AQR: variants seen among roughly 807,000 people sequenced by gnomAD.
The protein encoded by AQR is aquarius intron-binding spliceosomal factor.
In AQR, 61 loss-of-function variants were observed where a neutral mutation model predicts 180.5. The ratio of observed to expected loss-of-function variants is 0.34; its 90% confidence interval spans 0.28 to 0.42. The LOEUF is 0.42. Ranked by LOEUF, AQR falls within the 10% of genes least tolerant of loss-of-function variation. The pLI, the probability that AQR is intolerant of heterozygous loss-of-function variation, is 1.00. For missense variants in AQR, 1,281 were observed against 1,798.3 expected (o/e 0.71, Z 5.20); for synonymous variants, 551 against 588.8 (o/e 0.94, Z 0.93).
At chr15:34,909,454 G>A (rs1001507640) in intron 17 of AQR, among the ~76,000 whole-genome samples, 1 of 151,984 alleles carries the variant, frequency 6.6e-6, no homozygotes, top group Non-Finnish European at 1.5e-5. Flanking sequence ...TTAAAATCTT[G>A]CCTAGCAAAA....
chr15:34,938,698 T>C (rs755392527), intron 9 of AQR, 39 bp downstream of exon 9: 6 of 1,291,442 alleles, frequency 4.6e-6, no homozygotes, highest in Admixed American at 1.9e-5. Flanking sequence ...GGCAGCTATA[T>C]GATAATTTCA....
chr15:34,943,074 G>A (rs762085458), intron 6 of AQR: 25 of 1,610,952 alleles, frequency 1.6e-5, no homozygotes, highest in Admixed American at 3.3e-5. Flanking sequence ...TAACGCTCAC[G>A]CAAGCATGGT....
intron 13 of AQR, among the ~76,000 whole-genome samples, chr15:34,921,756 G>C (rs1050987580): frequency 6.6e-6 from 1 of 152,054 alleles, no homozygotes; most frequent in African/African-American, 2.4e-5. Flanking sequence ...TTTTCTATTT[G>C]TAATTTTATC....
At chr15:34,933,423 A>G (rs926574994) in intron 10 of AQR, among the ~76,000 whole-genome samples, 3 of 152,140 alleles carry the variant, frequency 2.0e-5, no homozygotes, top group Non-Finnish European at 4.4e-5. Flanking sequence ...CTGTGTCTGA[A>G]CTTGTCAGCA....
chr15:34,874,698 G>C lies in AQR; in HGVS notation c.3404C>G (p.Ala1135Gly). The C allele has an allele frequency of 6.2e-7, 1 of 1,613,550 alleles. No individual in the cohort carries two copies. Among genetic ancestry groups the C allele is most frequent in the Non-Finnish European group, 8.5e-7 (1 of 1,179,694 alleles). Residue 1135 changes from alanine to glycine, a missense_variant, in exon 29 of 35, where the codon GCT becomes GGT. By Grantham distance (60) the Ala-to-Gly change is moderately conservative. Transcript: ENST00000156471. ...RVGVPTVDLD[A>G]QGRARASLCN... ...TTACCTTGCTCTGGCTCTCCCTTGA[G>C]CATCAAGGTCAACAGTCGGAACTCC... is the stretch of plus-strand genomic sequence containing the variant.
intron 23 of AQR, among the ~76,000 whole-genome samples, chr15:34,892,078 G>A (rs906778133): frequency 6.6e-6 from 1 of 152,110 alleles, no homozygotes; most frequent in African/African-American, 2.4e-5. Context: ...CTGGTCAACT[G>A]AAGTCACCAC....
chr15:34,896,455 T>C (rs894909147), intron 22 of AQR, among the ~76,000 whole-genome samples: 1 of 152,008 alleles, frequency 6.6e-6, no homozygotes, highest in African/African-American at 2.4e-5. Flanking sequence ...CTACACTTAC[T>C]TGTAAACGCT....
At chr15:34,963,509 A>G (rs2050291842) in intron 2 of AQR, among the ~76,000 whole-genome samples, 1 of 152,106 alleles carries the variant, frequency 6.6e-6, no homozygotes, top group Non-Finnish European at 1.5e-5. Context: ...AACCCAACAG[A>G]TTTAATCCTA....
At chr15:34,926,075 G>A (rs974167625) in intron 13 of AQR, among the ~76,000 whole-genome samples, 2 of 152,228 alleles carry the variant, frequency 1.3e-5, no homozygotes, top group African/African-American at 4.8e-5. Context: ...GCTGAGGCAG[G>A]AGAATGGCGT....
intron 22 of AQR, among the ~76,000 whole-genome samples, chr15:34,894,850 C>G (rs1184780197): frequency 6.6e-6 from 1 of 151,750 alleles, no homozygotes; most frequent in Non-Finnish European, 1.5e-5. Context: ...TAAGAAAACA[C>G]TACACCCAAA....
At chr15:34,956,949 T>A (rs1298675096) in intron 3 of AQR, among the ~76,000 whole-genome samples, 6 of 145,830 alleles carry the variant, frequency 4.1e-5, no homozygotes, top group African/African-American at 1.5e-4. Context: ...CAAATATTTT[T>A]AAAATCAAAC....
intron 27 of AQR, among the ~76,000 whole-genome samples, chr15:34,878,768 T>TG (rs1892925225): frequency 6.6e-6 from 1 of 152,158 alleles, no homozygotes; most frequent in Non-Finnish European, 1.5e-5. Context: ...CAGTTGCTCA[T>TG]GCCTGTAATC....
At chr15:34,964,113 A>AT (rs1275382506) in intron 2 of AQR, 121 bp downstream of exon 2, 16 of 727,466 alleles carry the variant, frequency 2.2e-5, no homozygotes, top group Non-Finnish European at 3.4e-5. Flanking sequence ...AAAAAATTGT[A>AT]TTTTTTGTAG....
intron 23 of AQR, among the ~76,000 whole-genome samples, chr15:34,891,023 G>A (rs571383374): frequency 4.5e-4 from 69 of 152,130 alleles, no homozygotes; most frequent in African/African-American, 1.6e-3. Context: ...AAAATAAGCC[G>A]CCATTCAAAC....
chr15:34,891,072 G>A (rs979120557), intron 23 of AQR, among the ~76,000 whole-genome samples: 3 of 152,212 alleles, frequency 2.0e-5, no homozygotes, highest in Middle Eastern at 3.4e-3. Context: ...TGTGAAGTCA[G>A]CATCCAGTCT....
At chr15:34,867,152 T>C (rs1892747028) in intron 32 of AQR, among the ~76,000 whole-genome samples, 1 of 152,084 alleles carries the variant, frequency 6.6e-6, no homozygotes, top group Non-Finnish European at 1.5e-5. Flanking sequence ...AGATTGTGTA[T>C]GAGAAAAAAT....
At chr15:34,960,265 G>T (rs949325913) in intron 3 of AQR, among the ~76,000 whole-genome samples, 1 of 152,118 alleles carries the variant, frequency 6.6e-6, no homozygotes, top group South Asian at 2.1e-4. Flanking sequence ...GAAGGCGTGG[G>T]GAATAGAACA....
chr15:34,887,900 AAACTTTT>A (rs1893086818), intron 24 of AQR, among the ~76,000 whole-genome samples: 1 of 152,226 alleles, frequency 6.6e-6, no homozygotes, highest in South Asian at 2.1e-4. Flanking sequence ...GCTTATCTAT[AAACTTTT>A]ATCTACAATG....
At chr15:34,874,653 G>C in intron 29 of AQR, 24 bp downstream of exon 29, 1 of 1,610,800 alleles carries the variant, frequency 6.2e-7, no homozygotes, top group Non-Finnish European at 8.5e-7. Flanking sequence ...AAATGGGAAT[G>C]ATTTTTTTTC....
Sources: allele counts gnomAD v4.1 joint callset (sites outside exome capture counted in the v4.1 genomes callset), GRCh38; gene constraint gnomAD v4.1.1; transcripts MANE v1.5; gene names NCBI Gene and HGNC (gene_info 2026-07-23, HGNC 2026-07-21).